INVS: variants seen among roughly 807,000 people sequenced by gnomAD.
INVS encodes inversion of embryo turning homolog.
A neutral mutation model predicts 108.8 loss-of-function variants in INVS; 86 were observed. The ratio of observed to expected loss-of-function variants is 0.79; its 90% CI spans 0.66 to 0.95. INVS has a LOEUF of 0.95. INVS is among the 40% of genes least tolerant of loss of function. The pLI is 0.00. For synonymous variants in INVS, 455 were observed against 473.5 expected (o/e 0.96, Z 0.51); for missense variants, 1,169 against 1,297.4 (o/e 0.90, Z 1.52).
intron 2 of INVS, among the ~76,000 whole-genome samples, chr9:100,106,387 C>T (rs1254837079): frequency 6.6e-6 from 1 of 152,168 alleles, no homozygotes; most frequent in Non-Finnish European, 1.5e-5. Context: ...TTTCCATCAA[C>T]ACTTAAACAT....
intron 13 of INVS, among the ~76,000 whole-genome samples, chr9:100,288,123 G>A (rs1034820105): frequency 3.0e-4 from 46 of 152,184 alleles, no homozygotes; most frequent in African/African-American, 1.1e-3. Flanking sequence ...ATTTTACCAG[G>A]GCCCCTACTC....
At chr9:100,113,345 T>C (rs551555644) in intron 2 of INVS, among the ~76,000 whole-genome samples, 1 of 152,150 alleles carries the variant, frequency 6.6e-6, no homozygotes, top group Non-Finnish European at 1.5e-5. Flanking sequence ...CCTCTAGGAG[T>C]TACACACAAC....
chr9:100,252,884 T>A (rs373150205), intron 9 of INVS, 23 bp from the exon 10 acceptor site: 9 of 1,523,838 alleles, frequency 5.9e-6, no homozygotes, highest in Non-Finnish European at 8.2e-6. Flanking sequence ...TTAGACATTC[T>A]CATTATATTT....
chr9:100,297,504 A>ACT (rs1384190974), intron 15 of INVS, among the ~76,000 whole-genome samples: 1 of 152,162 alleles, frequency 6.6e-6, no homozygotes, highest in Non-Finnish European at 1.5e-5. Flanking sequence ...CGACTTAGCT[A>ACT]GACTCTGCCT....
In INVS at chr9:100,103,683, A is replaced by T. The variant is rs1030763075; in HGVS notation, c.-24-815A>T. Among the ~76,000 whole-genome samples, 178 of 23,386 alleles carry T rather than the reference A, an allele frequency of 7.6e-3. 3 individuals carry two copies. The highest frequency in any genetic ancestry group is 0.012 in the Non-Finnish European group (149 of 12,158). 15.3% of individuals were successfully genotyped at this position (23,386 alleles called of 152,430 possible). On this transcript the variant is annotated intron_variant, in intron 1 of 16. Transcript: ENST00000262457. ...AGAGGAGGGGAGGAAAGGAGAGGCG[A>T]GGGGAGGGGAGGGGAGGCGAGGGGA...
At chr9:100,190,847 A>T (rs1232058190) in intron 3 of INVS, among the ~76,000 whole-genome samples, 1 of 150,850 alleles carries the variant, frequency 6.6e-6, no homozygotes, top group Non-Finnish European at 1.5e-5. Context: ...TGCCTTGGTG[A>T]TGTCCTTTTT....
In INVS at chr9:100,142,904, AGTT is replaced by A. The variant is rs1456672138; in HGVS notation, c.273+16362_273+16364del. The stretch of plus-strand genomic sequence containing the variant: ...ACTAACCATGCCTAGGAAGGAAAGG[AGTT>A]GTTGTTTTGTAGAAGGGATTGGGGT... On this transcript the variant is annotated intron_variant, in intron 3 of 16. Transcript: ENST00000262457. Among the ~76,000 whole-genome samples the A allele has an allele frequency of 7.2e-5, 11 of 152,140 alleles. No individual in the cohort carries two copies. The South Asian group carries it at 1.2e-3, about 17-fold the overall frequency.
At chr9:100,206,703 A>T (rs1218473617) in intron 3 of INVS, among the ~76,000 whole-genome samples, 3 of 151,924 alleles carry the variant, frequency 2.0e-5, no homozygotes, top group African/African-American at 7.3e-5. Flanking sequence ...TCTTACTTAG[A>T]TTTTGCCCAT....
chr9:100,174,840 A>G (rs1313760369), intron 3 of INVS, among the ~76,000 whole-genome samples: 1 of 152,180 alleles, frequency 6.6e-6, no homozygotes, highest in African/African-American at 2.4e-5. Flanking sequence ...TGAACCCAGG[A>G]GGAGGAGGTT....
intron 12 of INVS, among the ~76,000 whole-genome samples, chr9:100,273,374 C>T (rs1833013105): frequency 6.6e-6 from 1 of 151,974 alleles, no homozygotes. Flanking sequence ...GGATTGCTTC[C>T]TAGAATAAGC....
intron 3 of INVS, among the ~76,000 whole-genome samples, chr9:100,224,470 A>G (rs1831244965): frequency 6.6e-6 from 1 of 152,214 alleles, no homozygotes; most frequent in Non-Finnish European, 1.5e-5. Context: ...CTGGAAGTAA[A>G]AATGAGGAAA....
chr9:100,285,467 C>A (rs73658712), intron 13 of INVS, among the ~76,000 whole-genome samples: 3,531 of 152,224 alleles, frequency 0.023, 131 homozygotes, highest in African/African-American at 0.081. Flanking sequence ...CCCCATGATC[C>A]CCATCCCCAA....
At chr9:100,268,617 A>G (rs1259989380) in intron 11 of INVS, among the ~76,000 whole-genome samples, 1 of 152,226 alleles carries the variant, frequency 6.6e-6, no homozygotes, top group African/African-American at 2.4e-5. Flanking sequence ...AGATGAAGCA[A>G]ATGTAGCAAA....
chr9:100,121,588 TCTG>T (rs1053791030), intron 2 of INVS, among the ~76,000 whole-genome samples: 1 of 152,228 alleles, frequency 6.6e-6, no homozygotes, highest in African/African-American at 2.4e-5. Flanking sequence ...GGAATTTGTG[TCTG>T]CTCTGTTTTT....
intron 14 of INVS, among the ~76,000 whole-genome samples, chr9:100,293,244 A>G (rs189275759): frequency 3.5e-3 from 533 of 152,312 alleles, no homozygotes; most frequent in Middle Eastern, 0.034. Flanking sequence ...TTTTGCCTAG[A>G]AAGATGGGAA....
chr9:100,301,581 C>T lies in INVS; in HGVS notation c.*907C>T, dbSNP rs1833970582. Among the ~76,000 whole-genome samples, 1 of 152,226 alleles carries T rather than the reference C, an allele frequency of 6.6e-6. No homozygotes were observed. On this transcript the variant is annotated 3_prime_UTR_variant, in exon 17 of 17. Coordinates refer to ENST00000262457, the MANE Select transcript of INVS (RefSeq NM_014425.5). ...GGCACACATCCTAGCATTCTAAGAACACCTGGTTTAAATAAAATCCAGTGA... is the reference window on the plus strand; with the variant it reads ...GGCACACATCCTAGCATTCTAAGAATACCTGGTTTAAATAAAATCCAGTGA...
intron 3 of INVS, among the ~76,000 whole-genome samples, chr9:100,219,521 G>A (rs1382969086): frequency 6.6e-6 from 1 of 152,194 alleles, no homozygotes; most frequent in Non-Finnish European, 1.5e-5. Context: ...TGGTGAGGAT[G>A]TGGAGAAACA....
At chr9:100,158,019 A>C (rs1045609144) in intron 3 of INVS, among the ~76,000 whole-genome samples, 5 of 152,158 alleles carry the variant, frequency 3.3e-5, no homozygotes, top group African/African-American at 1.2e-4. Flanking sequence ...GGTGTATATC[A>C]CAGAACATTT....
chr9:100,222,218 T>C (rs1156758933), intron 3 of INVS, among the ~76,000 whole-genome samples: 1 of 152,212 alleles, frequency 6.6e-6, no homozygotes, highest in Non-Finnish European at 1.5e-5. Flanking sequence ...CTATTTATAA[T>C]AATAAAAACA....
Sources: allele counts gnomAD v4.1 joint callset (sites outside exome capture counted in the v4.1 genomes callset), GRCh38; gene constraint gnomAD v4.1.1; transcripts MANE v1.5; gene names NCBI Gene and HGNC (gene_info 2026-07-23, HGNC 2026-07-21).